Variants in DIP2B observed in about 807,000 individuals in gnomAD.
DIP2B encodes DIP2 acetate--CoA ligase B (putative), also known as disco-interacting protein 2 homolog B.
DIP2B carries 76 observed loss-of-function variants against 198.0 expected under a neutral mutation model. That is an observed-to-expected ratio of 0.38 (90% CI 0.32 to 0.46). The LOEUF (loss-of-function observed/expected upper bound fraction) is 0.46. Ranked by LOEUF, DIP2B falls within the 20% of genes least tolerant of loss-of-function variation. The pLI, the probability that DIP2B is intolerant of heterozygous loss-of-function variation, is 0.99. For missense variants in DIP2B, 1,559 were observed against 1,978.4 expected, an observed-to-expected ratio of 0.79 and a Z score of 4.02; for synonymous variants, 701 against 739.1, an observed-to-expected ratio of 0.95 and a Z score of 0.84.
intron 1 of DIP2B, among the ~76,000 whole-genome samples, chr12:50,529,814 A>G (rs2139362147): frequency 6.6e-6 from 1 of 151,876 alleles, no homozygotes; most frequent in South Asian, 2.1e-4. Context: ...AGCCGAGATC[A>G]TGCCATTGTA....
At position 50,517,788 on chromosome 12, in the gene DIP2B, A is replaced by T. The variant is rs375709596; in HGVS notation, c.100+12548A>T. 3.3e-5 allele frequency among the ~76,000 whole-genome samples: 5 copies of T among 152,242 alleles called. No individual in the cohort carries two copies. In the East Asian group the frequency reaches 9.6e-4, roughly 29 times the overall value. ...TTTTCACTTGTATGCTTTTGTATAC[A>T]TTGCCATTCTCTAAAATGTCCACTC... is the stretch of plus-strand genomic sequence containing the variant. On this transcript the variant is annotated intron_variant, in intron 1 of 37. Transcript: ENST00000301180.
chr12:50,626,098 A>G (rs1427330187), intron 2 of DIP2B, 51 bp downstream of exon 2: 1 of 1,569,194 alleles, frequency 6.4e-7, no homozygotes, highest in Non-Finnish European at 8.8e-7. Context: ...ACACCAAAAG[A>G]TGCTGTCTTA....
chr12:50,510,434 T>G (rs116718826), intron 1 of DIP2B, among the ~76,000 whole-genome samples: 2,034 of 152,326 alleles, frequency 0.013, 51 homozygotes, highest in African/African-American at 0.046. Flanking sequence ...TGGTTACAAC[T>G]TTCTGTCCTA....
intron 2 of DIP2B, chr12:50,633,393 G>GT (rs2139479182): frequency 6.6e-6 from 1 of 152,254 alleles, no homozygotes; most frequent in Admixed American, 6.5e-5. Context: ...TTAGACCTGA[G>GT]TAACATGTCA....
At chr12:50,683,857 A>G (rs559384951) in intron 10 of DIP2B, among the ~76,000 whole-genome samples, 1 of 152,282 alleles carries the variant, frequency 6.6e-6, no homozygotes, top group South Asian at 2.1e-4. Context: ...CACGCCTGTA[A>G]TCCTAGCACT....
intron 1 of DIP2B, among the ~76,000 whole-genome samples, chr12:50,512,804 G>A (rs937405482): frequency 2.0e-5 from 3 of 152,166 alleles, no homozygotes; most frequent in South Asian, 2.1e-4. Flanking sequence ...TCAGGAGTTC[G>A]AGACCAGCCT....
intron 7 of DIP2B, 86 bp from the exon 8 acceptor site, chr12:50,678,593 A>G: frequency 7.2e-7 from 1 of 1,387,548 alleles, no homozygotes; most frequent in Non-Finnish European, 9.9e-7. Context: ...ATGAAGTGAA[A>G]AGGAAGATGC....
At position 50,704,156 on chromosome 12, in the gene DIP2B, C is replaced by T; in HGVS notation, c.2342C>T (p.Ser781Phe). 2 of 1,609,134 alleles carry T rather than the reference C, an allele frequency of 1.2e-6. No individual in the cohort carries two copies. The highest frequency in any genetic ancestry group is 1.7e-6 in the Non-Finnish European group (2 of 1,179,092). The change falls in exon 20 of 38, where the codon TCT becomes TTT. Residue 781 changes from serine (S) to phenylalanine (F), a missense_variant. Transcript: ENST00000301180. ...KNTFEVIPVN[S>F]AGSPVGDVPF... is the part of the protein sequence containing the mutation. ...GTCTCTTAGGTAATTCCAGTGAATTCTGCAGGCTCTCCTGTTGGGGATGTG... is the reference window on the plus strand; with the variant it reads ...GTCTCTTAGGTAATTCCAGTGAATTTTGCAGGCTCTCCTGTTGGGGATGTG...
chr12:50,639,063 G>A (rs1380442849), intron 2 of DIP2B, among the ~76,000 whole-genome samples: 1 of 150,632 alleles, frequency 6.6e-6, no homozygotes, highest in Non-Finnish European at 1.5e-5. Flanking sequence ...CCTTGCAAGT[G>A]AGCCAAGGTG....
At chr12:50,715,945 T>C (rs1939706630) in intron 23 of DIP2B, among the ~76,000 whole-genome samples, 1 of 152,214 alleles carries the variant, frequency 6.6e-6, no homozygotes, top group Admixed American at 6.5e-5. Flanking sequence ...TACAGCAGTG[T>C]CTGCAATTAG....
Position 50,745,716 on chromosome 12 carries a change from T to G in DIP2B, c.*877T>G, listed in dbSNP as rs543390076. On this transcript the variant is annotated 3_prime_UTR_variant, in exon 38 of 38. Coordinates refer to ENST00000301180, the MANE Select transcript of DIP2B (RefSeq NM_173602.3). ...AATCTCAGTTTAAAAATCAAAATGT[T>G]AACACAAAGCTAAGATTCATCAGAG... 1 of 152,728 alleles carries G rather than the reference T, an allele frequency of 6.5e-6. No individual in the cohort carries two copies. The highest frequency in any genetic ancestry group is 2.4e-5 in the African/African-American group (1 of 41,576). 9.5% of individuals were successfully genotyped at this position (152,728 alleles called of 1,614,324 possible). A position where few individuals can be genotyped will look rare whatever the true frequency, so the allele number is the denominator to read the frequency against.
intron 1 of DIP2B, among the ~76,000 whole-genome samples, chr12:50,605,806 C>A (rs1958976146): frequency 1.3e-5 from 2 of 151,982 alleles, no homozygotes; most frequent in Admixed American, 1.3e-4. Context: ...TTATTTATTT[C>A]CTGCTCTGCC....
chr12:50,595,909 A>G (rs1288497734), intron 1 of DIP2B, among the ~76,000 whole-genome samples: 1 of 152,186 alleles, frequency 6.6e-6, no homozygotes, highest in Non-Finnish European at 1.5e-5. Context: ...GTCTTGCCTT[A>G]TCACCCTCAA....
At chr12:50,618,455 A>G (rs1464685130) in intron 1 of DIP2B, among the ~76,000 whole-genome samples, 2 of 152,184 alleles carry the variant, frequency 1.3e-5, no homozygotes, top group Non-Finnish European at 2.9e-5. Flanking sequence ...GGTTTGATAA[A>G]CTGTGCATTC....
intron 23 of DIP2B, among the ~76,000 whole-genome samples, chr12:50,716,460 G>A (rs1005686881): frequency 4.6e-5 from 7 of 152,020 alleles, no homozygotes; most frequent in African/African-American, 1.5e-4. Context: ...CCTGGGAGAC[G>A]GAGCTTGCAG....
chr12:50,545,038 T>C (rs1378143286), intron 1 of DIP2B, among the ~76,000 whole-genome samples: 1 of 152,204 alleles, frequency 6.6e-6, no homozygotes, highest in African/African-American at 2.4e-5. Context: ...CCAGCTTGTA[T>C]GACTGTACCA....
At chr12:50,634,389 A>G (rs1019122168) in intron 2 of DIP2B, among the ~76,000 whole-genome samples, 2 of 152,220 alleles carry the variant, frequency 1.3e-5, no homozygotes, top group African/African-American at 4.8e-5. Flanking sequence ...TTTGGATACA[A>G]GTAACTGATA....
At position 50,568,266 on chromosome 12, in the gene DIP2B, G is replaced by A. The variant is rs73307152; in HGVS notation, c.101-57710G>A. Among the ~76,000 whole-genome samples the A allele has an allele frequency of 6.6e-3, 1,000 of 152,240 alleles. 10 individuals are homozygous for A. Among genetic ancestry groups the A allele is most frequent in the African/African-American group, 0.023 (956 of 41,530 alleles). ...GGAGGTCAGCCTGAGATGCATGTTT[G>A]TTATTATGTAGAATTGGGGATCCCC... On this transcript the variant is annotated intron_variant, in intron 1 of 37. Transcript: ENST00000301180.
chr12:50,729,977 C>A (rs1940009655), intron 30 of DIP2B, among the ~76,000 whole-genome samples: 1 of 152,178 alleles, frequency 6.6e-6, no homozygotes, highest in South Asian at 2.1e-4. Context: ...CCTGCCTCGA[C>A]CTCCCAAAGT....
Sources: allele counts gnomAD v4.1 joint callset (sites outside exome capture counted in the v4.1 genomes callset), GRCh38; gene constraint gnomAD v4.1.1; transcripts MANE v1.5; gene names NCBI Gene and HGNC (gene_info 2026-07-23, HGNC 2026-07-21).